HNRNPH1: variants seen among roughly 807,000 people sequenced by gnomAD.
The protein encoded by HNRNPH1 is heterogeneous nuclear ribonucleoprotein H1.
HNRNPH1 carries 4 observed loss-of-function variants against 58.6 expected under a neutral mutation model. The ratio of observed to expected loss-of-function variants is 0.07; its 90% CI spans 0.03 to 0.16. The LOEUF (loss-of-function observed/expected upper bound fraction) is 0.16, where lower values mean the gene tolerates loss of function less well. HNRNPH1 is among the 10% of genes least tolerant of loss of function. The pLI is 1.00. For missense variants in HNRNPH1, 271 were observed against 564.2 expected (o/e 0.48, Z 5.26); for synonymous variants, 192 against 189.2 (o/e 1.01, Z -0.12).
upstream of HNRNPH1, among the ~76,000 whole-genome samples, chr5:179,627,372 T>G (rs1416206893): frequency 1.3e-5 from 2 of 151,928 alleles, no homozygotes; most frequent in Admixed American, 1.3e-4. Context: ...TTTTTTTTTT[T>G]GTAGTGATGG....
chr5:179,621,550 C>A (rs1213482742), intron 1 of HNRNPH1, 153 bp from the exon 3 acceptor site: 1 of 614,910 alleles, frequency 1.6e-6, no homozygotes, highest in Non-Finnish European at 2.8e-6. Flanking sequence ...CCTAAAACTC[C>A]AATTAAAAAA....
intron 1 of HNRNPH1, among the ~76,000 whole-genome samples, chr5:179,622,393 C>A (rs922552857): frequency 4.6e-5 from 7 of 152,194 alleles, no homozygotes; most frequent in African/African-American, 1.7e-4. Flanking sequence ...GGAAATCCCA[C>A]CTATGCCAAT....
At chr5:179,628,003 A>G (rs896651458), upstream of HNRNPH1, among the ~76,000 whole-genome samples, 6 of 132,864 alleles carry the variant, frequency 4.5e-5, no homozygotes, top group Admixed American at 2.7e-4. Flanking sequence ...TTGTATTTTT[A>G]GTAGAGATGG....
chr5:179,618,313 T>C, exon 5 of HNRNPH1: 1 of 1,609,410 alleles, frequency 6.2e-7, no homozygotes, highest in Non-Finnish European at 8.5e-7. Context: ...CTCTTAAAGA[T>C]TTCAATATAC....
At chr5:179,619,325 A>G (rs1356693393) in exon 4 of HNRNPH1, 1 of 1,613,364 alleles carries the variant, frequency 6.2e-7, no homozygotes, top group Non-Finnish European at 8.5e-7. Context: ...TTTCCTGTGA[A>G]GCAAACTGCA....
chr5:179,618,200 G>A (rs752202152), exon 5 of HNRNPH1: 6 of 1,614,176 alleles, frequency 3.7e-6, no homozygotes, highest in Non-Finnish European at 3.4e-6. Flanking sequence ...TGCCAATGCT[G>A]TTATACCCTC....
chr5:179,617,220 C>T, intron 8 of HNRNPH1, 110 bp from the exon 10 acceptor site: 1 of 1,075,052 alleles, frequency 9.3e-7, no homozygotes, highest in Non-Finnish European at 1.4e-6. Context: ...AATACTTTGG[C>T]AAAGAAATTC....
intron 8 of HNRNPH1, 34 bp from the exon 10 acceptor site, chr5:179,617,144 G>A: frequency 1.3e-6 from 2 of 1,597,368 alleles, no homozygotes; most frequent in Non-Finnish European, 1.7e-6. Context: ...GAAAATGTTT[G>A]TTGGTGAAAC....
chr5:179,617,660 A>G lies in HNRNPH1; in HGVS notation c.922-11T>C, dbSNP rs763572256. 2 of 1,610,092 alleles carry G rather than the reference A, an allele frequency of 1.2e-6. No homozygotes were observed. Among genetic ancestry groups the G allele is most frequent in the Middle Eastern group, 1.7e-4 (1 of 6,040 alleles). On this transcript the variant is annotated splice_polypyrimidine_tract_variant and intron_variant, in intron 7 of 12. Transcript: ENST00000356731. The stretch of plus-strand genomic sequence containing the variant: ...GAGCGGTGAAAAAAACTACAACACA[A>G]GGCATTTCAAAGAATTCAACCAACT...
chr5:179,624,490 G>A, exon 1 of HNRNPH1: 2 of 398,694 alleles, frequency 5.0e-6, no homozygotes, highest in Admixed American at 4.4e-5. Context: ...TCGCGAGCGC[G>A]GGCTCCACGG....
At position 179,616,390 on chromosome 5, in the gene HNRNPH1, T is replaced by C. The variant is rs185557020; in HGVS notation, c.1208-172A>G. 171 of 616,720 alleles carry C rather than the reference T, an allele frequency of 2.8e-4. 2 individuals are homozygous for C. In the African/African-American group the frequency reaches 3.0e-3, roughly 11 times the overall value. 38.2% of individuals were successfully genotyped at this position (616,720 alleles called of 1,614,324 possible). Reference sequence around the variant, plus strand: ...CCAGGCCACCCTTCTATCCATCATTTGAGCCAGTCAAATATTGATAAACCA... The same window carrying C: ...CCAGGCCACCCTTCTATCCATCATTCGAGCCAGTCAAATATTGATAAACCA... On this transcript the variant is annotated intron_variant, in intron 10 of 12. Coordinates refer to ENST00000356731, the Ensembl canonical transcript of HNRNPH1.
At position 179,618,384 on chromosome 5, in the gene HNRNPH1, A is replaced by G. The variant is rs1054839407; in HGVS notation, c.537-61T>C. 9 of 1,168,308 alleles carry G rather than the reference A, an allele frequency of 7.7e-6. No individual in the cohort carries two copies. The African/African-American group carries it at 9.2e-5, about 12-fold the overall frequency. 72.4% of individuals were successfully genotyped at this position (1,168,308 alleles called of 1,614,324 possible). On this transcript the variant is annotated intron_variant, in intron 4 of 12. Coordinates refer to ENST00000356731, the Ensembl canonical transcript of HNRNPH1. ...GAGAGAAAACATTAGTTCATTTTATACAGGTATTTAGTTATACAAGAAAAC... is the reference window on the plus strand; with the variant it reads ...GAGAGAAAACATTAGTTCATTTTATGCAGGTATTTAGTTATACAAGAAAAC...
At chr5:179,620,709 G>A (rs1326378539) in intron 3 of HNRNPH1, 183 bp downstream of exon 4, 4 of 583,300 alleles carry the variant, frequency 6.9e-6, no homozygotes, top group Non-Finnish European at 1.2e-5. Flanking sequence ...CATTTTGGAA[G>A]TACTTCATTT....
intron 1 of HNRNPH1, chr5:179,621,721 G>A (rs1024712647): frequency 5.0e-6 from 2 of 396,638 alleles, no homozygotes; most frequent in African/African-American, 4.1e-5. Flanking sequence ...TGGACTGTGT[G>A]ACTTTACGGC....
rs551067054 is a variant in HNRNPH1, at chr5:179,615,080, G to A, written c.*1-121C>T. 301 of 672,572 alleles carry A rather than the reference G, an allele frequency of 4.5e-4. 1 individual carries two copies. The highest frequency in any genetic ancestry group is 6.1e-4 in the Non-Finnish European group (232 of 377,726). 41.7% of individuals were successfully genotyped at this position (672,572 alleles called of 1,614,324 possible). A position where few individuals can be genotyped will look rare whatever the true frequency, so the allele number is the denominator to read the frequency against. Reference sequence around the variant, plus strand: ...TACAAATGGCTGCTGTCCAAGTGGCGAGACGCATGTTTGGGAAAGGGGAAT... The same window carrying A: ...TACAAATGGCTGCTGTCCAAGTGGCAAGACGCATGTTTGGGAAAGGGGAAT... On this transcript the variant is annotated intron_variant, in intron 12 of 12. Coordinates refer to ENST00000356731, the Ensembl canonical transcript of HNRNPH1.
intron 2 of HNRNPH1, among the ~76,000 whole-genome samples, chr5:179,631,753 A>C (rs531329240): frequency 6.6e-6 from 1 of 150,878 alleles, no homozygotes; most frequent in East Asian, 1.9e-4. Flanking sequence ...AAAAAAAAAA[A>C]TTTTTTTTTT....
exon 13 of HNRNPH1, chr5:179,614,757 A>G: frequency 2.8e-6 from 2 of 724,004 alleles, no homozygotes; most frequent in East Asian, 2.7e-5. Context: ...TGTATTGCAG[A>G]AACTGTTAAA....
At chr5:179,621,120 G>T in intron 2 of HNRNPH1, 85 bp from the exon 4 acceptor site, 1 of 1,529,956 alleles carries the variant, frequency 6.5e-7, no homozygotes, top group Non-Finnish European at 9.0e-7. Flanking sequence ...AAGCTAGGAA[G>T]AGCTGCCACA....
intron 2 of HNRNPH1, among the ~76,000 whole-genome samples, chr5:179,630,889 C>T (rs571928776): frequency 6.7e-4 from 97 of 144,806 alleles, no homozygotes; most frequent in African/African-American, 2.3e-3. Flanking sequence ...CCAGCCTGGG[C>T]GACATCTCAA....
Sources: gnomAD v4.1 joint callset for allele counts (sites outside exome capture counted in the v4.1 genomes callset) on GRCh38, gnomAD v4.1.1 for gene constraint, MANE v1.5 for transcripts, NCBI Gene and HGNC (gene_info 2026-07-23, HGNC 2026-07-21) for gene names.